RBFOX1: variants seen among roughly 807,000 people sequenced by gnomAD.
RBFOX1 encodes the protein RNA binding protein fox-1 homolog 1.
A neutral mutation model predicts 57.7 loss-of-function variants in RBFOX1; 8 were observed. That is an observed-to-expected ratio of 0.14 (90% CI 0.08 to 0.25). The LOEUF is 0.25. Ranked by LOEUF, RBFOX1 falls within the 10% of genes least tolerant of loss-of-function variation. The pLI is 1.00. For synonymous variants in RBFOX1, 326 were observed against 222.4 expected (o/e 1.47, Z -4.15); for missense variants, 611 against 548.5 (o/e 1.11, Z -1.14).
intron 14 of RBFOX1, among the ~76,000 whole-genome samples, chr16:7,706,118 G>T (rs183071063): frequency 3.3e-5 from 5 of 152,116 alleles, no homozygotes; most frequent in Non-Finnish European, 7.3e-5. Context: ...TGCTGCAAAC[G>T]TAGCACTCAA....
chr16:6,780,336 T>C (rs1362967890), intron 3 of RBFOX1, among the ~76,000 whole-genome samples: 1 of 82,216 alleles, frequency 1.2e-5, no homozygotes, highest in Non-Finnish European at 1.8e-5. Context: ...TATATATTTA[T>C]ACATATTTAT....
At chr16:7,438,768 A>T (rs2149805366) in intron 4 of RBFOX1, among the ~76,000 whole-genome samples, 1 of 152,238 alleles carries the variant, frequency 6.6e-6, no homozygotes, top group Non-Finnish European at 1.5e-5. Context: ...CACCACAGTG[A>T]GCGCCTGTCA....
intron 2 of RBFOX1, among the ~76,000 whole-genome samples, chr16:6,455,175 G>A (rs1013781996): frequency 4.6e-5 from 7 of 151,848 alleles, no homozygotes; most frequent in African/African-American, 1.2e-4. Flanking sequence ...TTACAGGCGT[G>A]AGCCGCCACG....
chr16:6,861,225 T>A (rs1212406001), intron 3 of RBFOX1, among the ~76,000 whole-genome samples: 1 of 152,152 alleles, frequency 6.6e-6, no homozygotes, highest in African/African-American at 2.4e-5. Context: ...TGTCTGTGTG[T>A]ATTTGCATGC....
intron 3 of RBFOX1, among the ~76,000 whole-genome samples, chr16:7,023,598 G>C (rs968576136): frequency 2.7e-4 from 26 of 95,012 alleles, no homozygotes; most frequent in African/African-American, 1.2e-3. Flanking sequence ...AAAAAAATTA[G>C]CTTGCCATAG....
chr16:7,344,021 A>T (rs147314592), intron 4 of RBFOX1, among the ~76,000 whole-genome samples: 4 of 151,582 alleles, frequency 2.6e-5, no homozygotes, highest in African/African-American at 9.7e-5. Flanking sequence ...AGTGTTTTCT[A>T]TATAGGGAAG....
chr16:6,329,129 A>G (rs549521261), intron 2 of RBFOX1, among the ~76,000 whole-genome samples: 2 of 152,252 alleles, frequency 1.3e-5, no homozygotes, highest in Admixed American at 6.5e-5. Flanking sequence ...GAGAGTGATC[A>G]TGGATGGAAG....
intron 2 of RBFOX1, among the ~76,000 whole-genome samples, chr16:6,504,595 G>C (rs553973807): frequency 3.3e-5 from 5 of 152,272 alleles, no homozygotes; most frequent in African/African-American, 9.6e-5. Context: ...AGTCTTATTT[G>C]ACACCTCATG....
At chr16:7,485,729 G>A (rs1331055869) in intron 4 of RBFOX1, among the ~76,000 whole-genome samples, 2 of 152,172 alleles carry the variant, frequency 1.3e-5, no homozygotes, top group African/African-American at 2.4e-5. Flanking sequence ...TATCCATAAT[G>A]TATGTACATA....
intron 3 of RBFOX1, among the ~76,000 whole-genome samples, chr16:6,875,972 T>A (rs993527884): frequency 2.6e-5 from 4 of 152,028 alleles, no homozygotes; most frequent in Non-Finnish European, 4.4e-5. Context: ...CACTTCAGCC[T>A]GGGCAACACA....
chr16:5,440,561 G>A (rs2068053434), intron 1 of RBFOX1, among the ~76,000 whole-genome samples: 1 of 152,120 alleles, frequency 6.6e-6, no homozygotes, highest in Admixed American at 6.5e-5. Flanking sequence ...AGGCCAGATT[G>A]GAACTCTCCA....
intron 2 of RBFOX1, among the ~76,000 whole-genome samples, chr16:6,610,989 G>C (rs942666789): frequency 1.3e-5 from 2 of 152,112 alleles, no homozygotes; most frequent in Non-Finnish European, 2.9e-5. Flanking sequence ...TTTTTCCTTA[G>C]CTGGAGCACA....
At chr16:7,467,739 A>G (rs1219587540) in intron 4 of RBFOX1, among the ~76,000 whole-genome samples, 5 of 152,212 alleles carry the variant, frequency 3.3e-5, no homozygotes, top group East Asian at 1.9e-4. Flanking sequence ...TTATCTTCCC[A>G]TGGTGCACAT....
chr16:7,273,345 C>T (rs2095376747), intron 4 of RBFOX1, among the ~76,000 whole-genome samples: 1 of 151,548 alleles, frequency 6.6e-6, no homozygotes, highest in African/African-American at 2.4e-5. Context: ...CTTTAGGATG[C>T]TTGTTTCCTG....
chr16:5,826,215 A>G (rs1463200424), intron 3 of RBFOX1, among the ~76,000 whole-genome samples: 1 of 150,618 alleles, frequency 6.6e-6, no homozygotes, highest in Non-Finnish European at 1.5e-5. Flanking sequence ...CTTATTATGA[A>G]TATTACTTAC....
intron 11 of RBFOX1, among the ~76,000 whole-genome samples, chr16:7,640,189 T>C (rs1292420211): frequency 6.6e-6 from 1 of 152,222 alleles, no homozygotes; most frequent in African/African-American, 2.4e-5. Context: ...TCTTTGGCTG[T>C]CATAATCATA....
intron 2 of RBFOX1, among the ~76,000 whole-genome samples, chr16:6,440,183 C>T (rs1341913770): frequency 6.6e-6 from 1 of 152,052 alleles, no homozygotes; most frequent in Non-Finnish European, 1.5e-5. Flanking sequence ...GATTCGTCCG[C>T]CTCAGCCTCC....
chr16:6,090,987 G>A (rs558187312), intron 1 of RBFOX1, among the ~76,000 whole-genome samples: 141 of 152,346 alleles, frequency 9.3e-4, no homozygotes, highest in African/African-American at 3.1e-3. Flanking sequence ...TCCCATGCAT[G>A]TGCAATGGTC....
chr16:7,580,960 C>A (rs1008506599), intron 6 of RBFOX1, among the ~76,000 whole-genome samples: 4 of 152,176 alleles, frequency 2.6e-5, no homozygotes, highest in African/African-American at 7.2e-5. Context: ...ACAAAAGGAA[C>A]AAGAAGATGC....
Sources: allele counts gnomAD v4.1 joint callset (sites outside exome capture counted in the v4.1 genomes callset), GRCh38; gene constraint gnomAD v4.1.1; transcripts MANE v1.5; gene names NCBI Gene and HGNC (gene_info 2026-07-23, HGNC 2026-07-21).